Variants in ASPHD1 observed in about 807,000 individuals in gnomAD.
The protein encoded by ASPHD1 is aspartate beta-hydroxylase domain-containing protein 1.
A neutral mutation model predicts 28.3 loss-of-function variants in ASPHD1; 20 were observed. The observed-to-expected ratio is 0.71, with a 90% CI of 0.50 to 1.03. The LOEUF (loss-of-function observed/expected upper bound fraction) is 1.03, where lower values mean the gene tolerates loss of function less well. Among genes scored for constraint, ASPHD1 ranks in the 50% least tolerant of loss-of-function variants. The probability of loss-of-function intolerance (pLI) is 0.00; values close to 1 mark genes in which losing one functional copy is unlikely to be tolerated. For missense variants in ASPHD1, 479 were observed against 524.1 expected (o/e 0.91, Z 0.84); for synonymous variants, 240 against 221.2 (o/e 1.08, Z -0.75).
intron 2 of ASPHD1, among the ~76,000 whole-genome samples, chr16:29,905,306 C>A (rs1567436817): frequency 1.3e-5 from 2 of 152,128 alleles, no homozygotes; most frequent in African/African-American, 4.8e-5. Flanking sequence ...TATGGTAATA[C>A]CACAGTTTGT....
downstream of ASPHD1, chr16:29,906,117 C>T: frequency 2.7e-6 from 1 of 366,394 alleles, no homozygotes. Flanking sequence ...TCTCCTAGTA[C>T]AACCAAACAG....
chr16:29,912,867 ATGAATGAACATATTTGTTGAG>A (rs1487259610), intron 3 of ASPHD1, among the ~76,000 whole-genome samples: 1 of 152,230 alleles, frequency 6.6e-6, no homozygotes, highest in African/African-American at 2.4e-5. Context: ...TATTTGTTGA[ATGAATGAACATATTTGTTGAG>A]TGAATGAACT....
At chr16:29,910,602 T>A (rs1370595282), downstream of ASPHD1, among the ~76,000 whole-genome samples, 2 of 152,038 alleles carry the variant, frequency 1.3e-5, no homozygotes, top group Non-Finnish European at 2.9e-5. Flanking sequence ...CAAGTGATCC[T>A]CCTGCCTTGG....
intron 1 of ASPHD1, among the ~76,000 whole-genome samples, chr16:29,902,131 G>A (rs974627872): frequency 1.3e-5 from 2 of 152,012 alleles, no homozygotes; most frequent in Non-Finnish European, 2.9e-5. Context: ...TCTGTACTGC[G>A]TTTCTTCACC....
chr16:29,906,541 C>T (rs1287318668), downstream of ASPHD1: 2 of 493,158 alleles, frequency 4.1e-6, no homozygotes, highest in Non-Finnish European at 8.0e-6. Context: ...TCAGGAAGGG[C>T]CGCACACTTT....
upstream of ASPHD1, chr16:29,900,368 C>A (rs1327698507): frequency 6.5e-6 from 1 of 154,136 alleles, no homozygotes; most frequent in Non-Finnish European, 1.4e-5. Flanking sequence ...CCCGCCCCTT[C>A]TTTCGCATTG....
intron 3 of ASPHD1, among the ~76,000 whole-genome samples, chr16:29,917,722 T>C (rs941335800): frequency 6.6e-6 from 1 of 151,964 alleles, no homozygotes; most frequent in African/African-American, 2.4e-5. Context: ...GAGGTTGCAG[T>C]GAGCCGAGAT....
chr16:29,900,659 G>A lies in ASPHD1; in HGVS notation c.-313G>A, dbSNP rs771075221. ...GGGGCTAGTGAGGAGCGAGGGCAAG[G>A]AGAGAGCAGTGAGGCCGGAGAGAAA... On this transcript the variant is annotated 5_prime_UTR_variant, in exon 1 of 3. Transcript: ENST00000308748. 1 of 475,406 alleles carries A rather than the reference G, an allele frequency of 2.1e-6. No individual in the cohort carries two copies. The highest frequency in any genetic ancestry group is 3.8e-6 in the Non-Finnish European group (1 of 263,780). 29.4% of individuals were successfully genotyped at this position (475,406 alleles called of 1,614,324 possible).
intron 1 of ASPHD1, among the ~76,000 whole-genome samples, chr16:29,903,287 C>T (rs956053900): frequency 6.6e-6 from 1 of 151,660 alleles, no homozygotes; most frequent in South Asian, 2.1e-4. Flanking sequence ...ACTCGGGAGG[C>T]GGAGGTTGCA....
chr16:29,911,314 G>A, intron 3 of ASPHD1: 1 of 673,064 alleles, frequency 1.5e-6, no homozygotes, highest in Non-Finnish European at 2.5e-6. Flanking sequence ...CTCCACCCCT[G>A]GGGCCAGGCT....
chr16:29,908,159 G>A (rs1426459298), downstream of ASPHD1, among the ~76,000 whole-genome samples: 1 of 152,108 alleles, frequency 6.6e-6, no homozygotes, highest in Non-Finnish European at 1.5e-5. Flanking sequence ...GGCACACAGA[G>A]CAGAAAGAGC....
intron 1 of ASPHD1, 132 bp downstream of exon 1, chr16:29,902,052 C>A: frequency 3.0e-6 from 2 of 663,180 alleles, no homozygotes; most frequent in Non-Finnish European, 4.6e-6. Flanking sequence ...TGTTGCCACC[C>A]ACAGCAGCAT....
intron 1 of ASPHD1, among the ~76,000 whole-genome samples, chr16:29,902,464 T>G (rs907616342): frequency 6.6e-6 from 1 of 152,210 alleles, no homozygotes; most frequent in Non-Finnish European, 1.5e-5. Context: ...CTTTCAACAG[T>G]CTAGAACATT....
At chr16:29,912,243 C>T in intron 3 of ASPHD1, 1 of 612,690 alleles carries the variant, frequency 1.6e-6, no homozygotes. Context: ...GGACACCTTG[C>T]TGCTTCACAC....
intron 3 of ASPHD1, chr16:29,913,190 A>G (rs2068747763): frequency 6.9e-6 from 1 of 144,800 alleles, no homozygotes. Flanking sequence ...TGGCATGACC[A>G]CAGCTTACAG....
downstream of ASPHD1, among the ~76,000 whole-genome samples, chr16:29,908,116 G>C (rs1213462587): frequency 6.6e-6 from 1 of 152,148 alleles, no homozygotes; most frequent in Non-Finnish European, 1.5e-5. Flanking sequence ...CTGAGAAGGT[G>C]ATATTTGACC....
intron 3 of ASPHD1, among the ~76,000 whole-genome samples, chr16:29,917,721 G>C (rs143329824): frequency 6.6e-6 from 1 of 152,298 alleles, no homozygotes; most frequent in Non-Finnish European, 1.5e-5. Flanking sequence ...AGAGGTTGCA[G>C]TGAGCCGAGA....
chr16:29,913,389 A>G (rs1235939042), intron 3 of ASPHD1: 2 of 152,218 alleles, frequency 1.3e-5, no homozygotes, highest in African/African-American at 4.8e-5. Flanking sequence ...TCAGAAACAG[A>G]CCACTGTGTA....
At chr16:29,918,071 A>C (rs2068840831) in intron 3 of ASPHD1, among the ~76,000 whole-genome samples, 1 of 152,264 alleles carries the variant, frequency 6.6e-6, no homozygotes, top group African/African-American at 2.4e-5. Flanking sequence ...CATCCAAATC[A>C]AGAATTTTTC....
Sources: allele counts gnomAD v4.1 joint callset (sites outside exome capture counted in the v4.1 genomes callset), GRCh38; gene constraint gnomAD v4.1.1; transcripts MANE v1.5; gene names NCBI Gene and HGNC (gene_info 2026-07-23, HGNC 2026-07-21).